BLOC1S6: variants seen among roughly 807,000 people sequenced by gnomAD.
The protein encoded by BLOC1S6 is biogenesis of lysosome-related organelles complex 1 subunit 6.
In BLOC1S6, 24 loss-of-function variants were observed where a neutral mutation model predicts 24.7. The ratio of observed to expected loss-of-function variants is 0.97; its 90% CI spans 0.70 to 1.37. BLOC1S6 has a LOEUF of 1.37. Among genes scored for constraint, BLOC1S6 ranks in the 40% most tolerant of loss-of-function variants. BLOC1S6 has a pLI of 0.00. For missense variants in BLOC1S6, 175 were observed against 196.2 expected (o/e 0.89, Z 0.64); for synonymous variants, 76 against 72.6 (o/e 1.05, Z -0.23).
chr15:45,602,899 T>C (rs904115666), intron 2 of BLOC1S6, among the ~76,000 whole-genome samples: 1 of 152,210 alleles, frequency 6.6e-6, no homozygotes, highest in African/African-American at 2.4e-5. Context: ...GAAGCAAGAA[T>C]AAAAGACACA....
chr15:45,606,645 G>C lies in BLOC1S6; in HGVS notation c.*131G>C. The stretch of plus-strand genomic sequence containing the variant: ...GAAATCCTTATTCCGGTATTACTGT[G>C]TCTCCATGCCTTTTTTCCAAGTAGC... On this transcript the variant is annotated 3_prime_UTR_variant, in exon 5 of 5. Coordinates refer to ENST00000220531, the MANE Select transcript of BLOC1S6 (RefSeq NM_012388.4). The C allele has an allele frequency of 7.8e-7, 1 of 1,288,896 alleles. No individual in the cohort carries two copies. Among genetic ancestry groups the C allele is most frequent in the Non-Finnish European group, 1.1e-6 (1 of 898,070 alleles). 79.8% of individuals were successfully genotyped at this position (1,288,896 alleles called of 1,614,324 possible).
chr15:45,592,922 C>T (rs563500719), intron 2 of BLOC1S6, among the ~76,000 whole-genome samples: 3 of 152,310 alleles, frequency 2.0e-5, no homozygotes, highest in Non-Finnish European at 2.9e-5. Context: ...TCTGTCATTT[C>T]TTTCTGTGGT....
At chr15:45,606,290 A>T (rs1275751595) in intron 4 of BLOC1S6, 105 bp from the exon 5 acceptor site, 2 of 1,432,636 alleles carry the variant, frequency 1.4e-6, no homozygotes, top group African/African-American at 1.4e-5. Flanking sequence ...GAAGTTTATT[A>T]GTGTGAATGA....
At chr15:45,593,133 C>T (rs1181155776) in intron 2 of BLOC1S6, among the ~76,000 whole-genome samples, 2 of 152,058 alleles carry the variant, frequency 1.3e-5, no homozygotes, top group African/African-American at 4.8e-5. Flanking sequence ...GTGGCTTACA[C>T]CTGTAATCCC....
At chr15:45,588,179 A>G (rs1417841773) in intron 1 of BLOC1S6, among the ~76,000 whole-genome samples, 2 of 152,064 alleles carry the variant, frequency 1.3e-5, no homozygotes, top group African/African-American at 4.8e-5. Flanking sequence ...TTTTTCTTTT[A>G]CCTCCTGTTT....
chr15:45,590,195 A>C (rs72713178), intron 1 of BLOC1S6, among the ~76,000 whole-genome samples: 16,258 of 149,758 alleles, frequency 0.11, 948 homozygotes, highest in Middle Eastern at 0.27. Flanking sequence ...CTCTCTCTCT[A>C]TATTTTTTCT....
intron 1 of BLOC1S6, among the ~76,000 whole-genome samples, chr15:45,590,232 A>G (rs2140902450): frequency 6.7e-6 from 1 of 150,154 alleles, no homozygotes; most frequent in Middle Eastern, 3.5e-3. Flanking sequence ...TTTTTATTTT[A>G]TATGTGGAGT....
At chr15:45,602,526 C>T (rs986571395) in intron 2 of BLOC1S6, among the ~76,000 whole-genome samples, 1 of 152,186 alleles carries the variant, frequency 6.6e-6, no homozygotes, top group Non-Finnish European at 1.5e-5. Context: ...CTGATCTTCT[C>T]ACTTTGTAAA....
At chr15:45,593,908 A>G (rs1025607058) in intron 2 of BLOC1S6, among the ~76,000 whole-genome samples, 1 of 152,186 alleles carries the variant, frequency 6.6e-6, no homozygotes, top group Non-Finnish European at 1.5e-5. Flanking sequence ...GTAATTTGAA[A>G]AAGATTACAC....
Position 45,593,375 on chromosome 15 carries a change from ACT to A in BLOC1S6, c.224+1102_224+1103del, listed in dbSNP as rs2140905957. Among the ~76,000 whole-genome samples, 2 of 131,028 alleles carry A rather than the reference ACT, an allele frequency of 1.5e-5. 1 individual carries two copies. The highest frequency in any genetic ancestry group is 4.8e-4 in the South Asian group (2 of 4,128). The allele number at this position is 131,028 out of a possible 152,430, so 86.0% of individuals were successfully genotyped here. ...ACTCCAGCCCAGGTGACAGAGTGAG[ACT>A]CTGTCTCCGAAAAAAAAAAAAAAAA... On this transcript the variant is annotated intron_variant, in intron 2 of 4. Transcript: ENST00000220531.
rs1050899749 is a variant in BLOC1S6, at chr15:45,609,074, A to G, written c.*2560A>G. On this transcript the variant is annotated 3_prime_UTR_variant, in exon 5 of 5. Transcript: ENST00000220531. ...AAAAATGTGAAAATAAATATATATTAGTATCCTTTATTTTAAAGTCAATTG... is the reference window on the plus strand; with the variant it reads ...AAAAATGTGAAAATAAATATATATTGGTATCCTTTATTTTAAAGTCAATTG... 2.6e-5 allele frequency: 4 copies of G among 152,234 alleles called. No individual in the cohort carries two copies. Among genetic ancestry groups the G allele is most frequent in the Admixed American group, 1.3e-4 (2 of 15,268 alleles). The allele number at this position is 152,234 out of a possible 1,614,324, so 9.4% of individuals were successfully genotyped here. A position where few individuals can be genotyped will look rare whatever the true frequency, so the allele number is the denominator to read the frequency against.
chr15:45,594,892 C>T (rs1374237834), intron 2 of BLOC1S6, among the ~76,000 whole-genome samples: 3 of 152,080 alleles, frequency 2.0e-5, no homozygotes, highest in Non-Finnish European at 4.4e-5. Context: ...GCCACATTCT[C>T]TGGAACCTTC....
chr15:45,603,478 G>A (rs1439084168), intron 3 of BLOC1S6, among the ~76,000 whole-genome samples: 1 of 152,216 alleles, frequency 6.6e-6, no homozygotes, highest in East Asian at 1.9e-4. Context: ...GGGAGGCTGA[G>A]GCAGGAGGAT....
intron 4 of BLOC1S6, 122 bp from the exon 5 acceptor site, chr15:45,606,273 C>G: frequency 1.5e-6 from 2 of 1,373,688 alleles, no homozygotes; most frequent in Non-Finnish European, 2.0e-6. Context: ...ATTTAAATGT[C>G]CAAGATGAAG....
chr15:45,593,725 C>T (rs1239186874), intron 2 of BLOC1S6, among the ~76,000 whole-genome samples: 1 of 151,998 alleles, frequency 6.6e-6, no homozygotes, highest in Non-Finnish European at 1.5e-5. Context: ...TCTTAGGCAC[C>T]CAGACAACAA....
chr15:45,605,570 G>GTTT, intron 4 of BLOC1S6, 56 bp downstream of exon 4: 1 of 889,636 alleles, frequency 1.1e-6, no homozygotes, highest in Non-Finnish European at 1.6e-6. Flanking sequence ...ATTGTTTTTT[G>GTTT]TTGTTTTTTT....
At chr15:45,587,611 G>A in intron 1 of BLOC1S6, 86 bp downstream of exon 1, 1 of 1,357,992 alleles carries the variant, frequency 7.4e-7, no homozygotes, top group South Asian at 1.3e-5. Flanking sequence ...GAAACCCTGG[G>A]GGAGTAAGCG....
chr15:45,588,485 C>G lies in BLOC1S6; in HGVS notation c.82+960C>G, dbSNP rs770306782. 2.5e-4 allele frequency among the ~76,000 whole-genome samples: 38 copies of G among 152,172 alleles called. 1 individual carries two copies. Among genetic ancestry groups the G allele is most frequent in the Non-Finnish European group, 4.3e-4 (29 of 68,032 alleles). On this transcript the variant is annotated intron_variant, in intron 1 of 4. Transcript: ENST00000220531. ...CTTGAAACTTTGAAATTGCTCTGGA[C>G]TTTTTCCTCTCTCTCTCCTTCCACC...
At chr15:45,594,890 C>T (rs571769615) in intron 2 of BLOC1S6, among the ~76,000 whole-genome samples, 3 of 152,120 alleles carry the variant, frequency 2.0e-5, no homozygotes, top group Admixed American at 2.0e-4. Context: ...CAGCCACATT[C>T]TCTGGAACCT....
Sources: allele counts gnomAD v4.1 joint callset (sites outside exome capture counted in the v4.1 genomes callset), GRCh38; gene constraint gnomAD v4.1.1; transcripts MANE v1.5; gene names NCBI Gene and HGNC (gene_info 2026-07-23, HGNC 2026-07-21).